ADAMTSL3: variants seen among roughly 807,000 people sequenced by gnomAD.
The protein encoded by ADAMTSL3 is ADAMTS like 3, also known as ADAMTS-like protein 3.
A neutral mutation model predicts 201.7 loss-of-function variants in ADAMTSL3; 128 were observed. The ratio of observed to expected loss-of-function variants is 0.63; its 90% CI spans 0.55 to 0.73. ADAMTSL3 has a LOEUF of 0.73. Among genes scored for constraint, ADAMTSL3 ranks in the 30% least tolerant of loss-of-function variants. The probability of loss-of-function intolerance (pLI) is 0.00; values close to 1 mark genes in which losing one functional copy is unlikely to be tolerated. For missense variants in ADAMTSL3, 1,990 were observed against 2,119.6 expected, an observed-to-expected ratio of 0.94 and a Z score of 1.20; for synonymous variants, 738 against 748.4, an observed-to-expected ratio of 0.99 and a Z score of 0.23.
rs1377100596 is a variant in ADAMTSL3 at position 84,036,970 on chromosome 15, T to A, written c.4952T>A (p.Leu1651His). The A allele has an allele frequency of 6.2e-7, 1 of 1,614,064 alleles. No homozygotes were observed. Among genetic ancestry groups the A allele is most frequent in the Non-Finnish European group, 8.5e-7 (1 of 1,179,990 alleles). Residue 1651 changes from leucine to histidine, a missense_variant, in exon 29 of 30, where the codon CTT becomes CAT. Coordinates refer to ENST00000286744, the MANE Select transcript of ADAMTSL3 (RefSeq NM_207517.3). ...AAACCAATTTCCTGGCGGCACTGTC[T>A]TGGGCCCTCCTGTGATAGTACGTAC... ...KKKPISWRHC[L>H]GPSCDRDCTD...
At chr15:84,015,940 C>T (rs77581541) in intron 24 of ADAMTSL3, among the ~76,000 whole-genome samples, 3,685 of 152,256 alleles carry the variant, frequency 0.024, 136 homozygotes, top group African/African-American at 0.08. Context: ...ATTCCTCCAC[C>T]ATCCTCTGCT....
chr15:83,860,000 G>A (rs912460989), intron 8 of ADAMTSL3, among the ~76,000 whole-genome samples: 33 of 151,608 alleles, frequency 2.2e-4, no homozygotes, highest in Admixed American at 1.5e-3. Flanking sequence ...CCATCTCTAC[G>A]AAAAATTAAA....
intron 19 of ADAMTSL3, among the ~76,000 whole-genome samples, chr15:83,954,740 G>A (rs2066824408): frequency 6.6e-6 from 1 of 152,200 alleles, no homozygotes; most frequent in Non-Finnish European, 1.5e-5. Context: ...ATATCACTTT[G>A]GTGGTCTTGG....
At chr15:83,815,926 T>C (rs1567163030) in intron 5 of ADAMTSL3, among the ~76,000 whole-genome samples, 1 of 152,166 alleles carries the variant, frequency 6.6e-6, no homozygotes, top group Non-Finnish European at 1.5e-5. Context: ...CCTGGGAAAC[T>C]AAAAAGCATG....
chr15:83,768,619 CTG>C (rs1457484099), intron 3 of ADAMTSL3, among the ~76,000 whole-genome samples: 1 of 152,156 alleles, frequency 6.6e-6, no homozygotes, highest in Non-Finnish European at 1.5e-5. Flanking sequence ...AAGGACTCTT[CTG>C]TAGAAGAGGA....
chr15:83,986,244 A>T (rs1485186007), intron 21 of ADAMTSL3, among the ~76,000 whole-genome samples: 1 of 152,210 alleles, frequency 6.6e-6, no homozygotes, highest in African/African-American at 2.4e-5. Context: ...AAGGAAAGAG[A>T]GGCTGACAAG....
intron 2 of ADAMTSL3, among the ~76,000 whole-genome samples, chr15:83,687,492 G>A (rs2061553866): frequency 6.6e-6 from 1 of 152,004 alleles, no homozygotes; most frequent in Non-Finnish European, 1.5e-5. Flanking sequence ...AGGACTTCCT[G>A]GGAAAAGGTG....
chr15:83,960,731 A>G (rs1176298129), intron 19 of ADAMTSL3, among the ~76,000 whole-genome samples: 3 of 152,188 alleles, frequency 2.0e-5, no homozygotes, highest in Non-Finnish European at 2.9e-5. Context: ...GAAAATCTGA[A>G]AGGAGATGTG....
chr15:83,982,387 G>A lies in ADAMTSL3; in HGVS notation c.2759G>A (p.Ser920Asn), dbSNP rs1197744313. ...EEKRINLTIGSRAYLLPNTSV... is the reference protein window; with the variant it reads ...EEKRINLTIGNRAYLLPNTSV... ...AAGCGTATTAACCTGACCATTGGTAGCAGAGCCTATTTGCTGCCCAACACA... is the reference window on the plus strand; with the variant it reads ...AAGCGTATTAACCTGACCATTGGTAACAGAGCCTATTTGCTGCCCAACACA... The change falls in exon 21 of 30, where the codon AGC becomes AAC. Residue 920 changes from serine to asparagine, a missense_variant. By Grantham distance (46) the Ser-to-Asn change is conservative. Coordinates refer to ENST00000286744, the MANE Select transcript of ADAMTSL3 (RefSeq NM_207517.3). 8.7e-6 allele frequency: 14 copies of A among 1,614,098 alleles called. No homozygotes were observed. Among genetic ancestry groups the A allele is most frequent in the Non-Finnish European group, 1.1e-5 (13 of 1,179,998 alleles).
chr15:83,882,086 G>A (rs1174797441), intron 9 of ADAMTSL3, among the ~76,000 whole-genome samples: 1 of 152,082 alleles, frequency 6.6e-6, no homozygotes, highest in African/African-American at 2.4e-5. Context: ...AACCCGGGAG[G>A]CAGAGCTTGT....
chr15:83,857,576 T>C (rs2064766157), intron 7 of ADAMTSL3, among the ~76,000 whole-genome samples: 1 of 152,186 alleles, frequency 6.6e-6, no homozygotes, highest in South Asian at 2.1e-4. Context: ...TCCTTTTACA[T>C]GTATACATGT....
At chr15:83,749,281 G>A (rs2062600059) in intron 3 of ADAMTSL3, among the ~76,000 whole-genome samples, 1 of 152,122 alleles carries the variant, frequency 6.6e-6, no homozygotes, top group African/African-American at 2.4e-5. Context: ...TTTTCCCCTG[G>A]CCAGGGATGT....
intron 4 of ADAMTSL3, among the ~76,000 whole-genome samples, chr15:83,779,015 C>T (rs2063123950): frequency 3.9e-5 from 6 of 151,946 alleles, no homozygotes; most frequent in Admixed American, 2.6e-4. Context: ...TTTAAAAAGA[C>T]GAAGGGTATT....
intron 4 of ADAMTSL3, among the ~76,000 whole-genome samples, chr15:83,793,141 G>A (rs754226364): frequency 3.5e-4 from 53 of 152,150 alleles, no homozygotes; most frequent in Non-Finnish European, 1.9e-4. Flanking sequence ...AGTTGATCTC[G>A]TAGAAAAAGA....
chr15:83,892,141 A>G (rs1390285235), intron 12 of ADAMTSL3, among the ~76,000 whole-genome samples: 1 of 151,084 alleles, frequency 6.6e-6, no homozygotes, highest in Non-Finnish European at 1.5e-5. Context: ...GCTTGAACCC[A>G]GGAGGCAGAG....
intron 3 of ADAMTSL3, among the ~76,000 whole-genome samples, chr15:83,732,116 A>G (rs1217353941): frequency 1.3e-5 from 2 of 152,118 alleles, no homozygotes; most frequent in Non-Finnish European, 2.9e-5. Context: ...TTCACTATGT[A>G]TATGTATATC....
At position 83,747,967 on chromosome 15, in the gene ADAMTSL3, C is replaced by T. The variant is rs558265823; in HGVS notation, c.190-25556C>T. ...CAGCTCTCAGCAAGTGTCTGCTTGG[C>T]GTCTCCTGGAGTCTTGTTGGCATGG... On this transcript the variant is annotated intron_variant, in intron 3 of 29. Transcript: ENST00000286744. 3.8e-4 allele frequency among the ~76,000 whole-genome samples: 58 copies of T among 151,780 alleles called. 1 individual carries two copies. Among genetic ancestry groups the T allele is most frequent in the Admixed American group, 2.0e-3 (30 of 15,188 alleles).
intron 2 of ADAMTSL3, among the ~76,000 whole-genome samples, chr15:83,672,289 G>A (rs548974231): frequency 1.3e-5 from 2 of 152,304 alleles, no homozygotes; most frequent in Admixed American, 1.3e-4. Flanking sequence ...GCAAAAATAA[G>A]GTGTCAGTGA....
intron 17 of ADAMTSL3, among the ~76,000 whole-genome samples, chr15:83,939,652 T>C (rs549746842): frequency 6.6e-6 from 1 of 151,832 alleles, no homozygotes; most frequent in East Asian, 1.9e-4. Flanking sequence ...GACAGAGTCT[T>C]GCTCTGTCAC....
Sources: allele counts gnomAD v4.1 joint callset (sites outside exome capture counted in the v4.1 genomes callset), GRCh38; gene constraint gnomAD v4.1.1; transcripts MANE v1.5; gene names NCBI Gene and HGNC (gene_info 2026-07-23, HGNC 2026-07-21).